The following SKAP2 variants were observed in gnomAD, a reference collection of about 807,000 sequenced individuals.
The protein encoded by SKAP2 is src kinase associated phosphoprotein 2, also known as src kinase-associated phosphoprotein 2.
Under a neutral mutation model 54.9 loss-of-function variants are expected in SKAP2, and 28 were observed. The observed-to-expected ratio is 0.51, with a 90% confidence interval of 0.38 to 0.70. The LOEUF (loss-of-function observed/expected upper bound fraction) is 0.70. Ranked by LOEUF, SKAP2 falls within the 30% of genes least tolerant of loss-of-function variation. The pLI, the probability that SKAP2 is intolerant of heterozygous loss-of-function variation, is 0.00. For missense variants in SKAP2, 356 were observed against 424.1 expected, an observed-to-expected ratio of 0.84 and a Z score of 1.41; for synonymous variants, 137 against 134.3, an observed-to-expected ratio of 1.02 and a Z score of -0.14.
At chr7:26,779,861 A>T (rs1422401408) in intron 4 of SKAP2, among the ~76,000 whole-genome samples, 1 of 152,096 alleles carries the variant, frequency 6.6e-6, no homozygotes. Flanking sequence ...TGCTAAAGTC[A>T]TCATTAAAAA....
chr7:26,827,733 G>A (rs1360430384), intron 4 of SKAP2, among the ~76,000 whole-genome samples: 3 of 151,976 alleles, frequency 2.0e-5, no homozygotes, highest in Non-Finnish European at 4.4e-5. Flanking sequence ...TAAATTACTA[G>A]AAAAAAGATC....
intron 4 of SKAP2, among the ~76,000 whole-genome samples, chr7:26,768,148 G>T (rs1475161840): frequency 6.6e-6 from 1 of 152,114 alleles, no homozygotes; most frequent in Non-Finnish European, 1.5e-5. Context: ...CTCCTGTATT[G>T]GATGCATATA....
chr7:26,806,055 A>G (rs574789256), intron 4 of SKAP2, among the ~76,000 whole-genome samples: 1 of 152,142 alleles, frequency 6.6e-6, no homozygotes, highest in Admixed American at 6.5e-5. Context: ...TGTTTTGGGA[A>G]CCATGAGCCA....
At chr7:26,823,098 G>A (rs879625115) in intron 4 of SKAP2, among the ~76,000 whole-genome samples, 11 of 151,950 alleles carry the variant, frequency 7.2e-5, no homozygotes, top group African/African-American at 2.2e-4. Context: ...GAAAACAAAA[G>A]TGCTACTCCA....
chr7:26,834,215 G>A (rs1257679231), intron 4 of SKAP2, among the ~76,000 whole-genome samples: 1 of 152,216 alleles, frequency 6.6e-6, no homozygotes, highest in East Asian at 1.9e-4. Context: ...GAAATTTATA[G>A]CACTAAATCA....
rs556735223 is a variant in SKAP2 at position 26,742,953 on chromosome 7, G to A, written c.308-2989C>T. Among the ~76,000 whole-genome samples, 10 of 152,086 alleles carry A rather than the reference G, an allele frequency of 6.6e-5. No individual in the cohort carries two copies. In the South Asian group the frequency reaches 1.5e-3, roughly 22 times the overall value. ...TATCACTATACCTACAACGATTAAC[G>A]CTATTGACATTTAGGAAGATTTAGA... On this transcript the variant is annotated intron_variant, in intron 4 of 12. Coordinates refer to ENST00000345317, the MANE Select transcript of SKAP2 (RefSeq NM_003930.5).
intron 4 of SKAP2, among the ~76,000 whole-genome samples, chr7:26,829,635 G>A (rs1421289866): frequency 6.6e-6 from 1 of 152,000 alleles, no homozygotes; most frequent in Non-Finnish European, 1.5e-5. Flanking sequence ...ACATACAAAT[G>A]GCCAATAAGC....
intron 9 of SKAP2, among the ~76,000 whole-genome samples, chr7:26,693,332 C>A (rs1198384023): frequency 1.3e-4 from 10 of 79,864 alleles, no homozygotes; most frequent in South Asian, 5.3e-4. Context: ...AGCTCCATCT[C>A]AAAAAAAAAA....
intron 11 of SKAP2, among the ~76,000 whole-genome samples, chr7:26,682,061 ACT>A (rs1786515366): frequency 6.6e-6 from 1 of 152,202 alleles, no homozygotes; most frequent in African/African-American, 2.4e-5. Flanking sequence ...TCTTAATATA[ACT>A]CTGAGAAACT....
chr7:26,706,088 C>T (rs1787149488), intron 9 of SKAP2, among the ~76,000 whole-genome samples: 1 of 151,978 alleles, frequency 6.6e-6, no homozygotes, highest in Admixed American at 6.6e-5. Flanking sequence ...ATTTGGTTAC[C>T]AAAGTCCAAC....
chr7:26,758,194 TG>T (rs1398329543), intron 4 of SKAP2, among the ~76,000 whole-genome samples: 1 of 151,990 alleles, frequency 6.6e-6, no homozygotes, highest in Non-Finnish European at 1.5e-5. Context: ...TTCTAGGGAG[TG>T]TAGGGAATTT....
chr7:26,700,482 C>G (rs1231567947), intron 9 of SKAP2, among the ~76,000 whole-genome samples: 1 of 152,198 alleles, frequency 6.6e-6, no homozygotes, highest in Non-Finnish European at 1.5e-5. Context: ...ACTGCTGGGA[C>G]TCAAGCTGCA....
At chr7:26,766,966 G>A (rs1245377567) in intron 4 of SKAP2, among the ~76,000 whole-genome samples, 3 of 152,182 alleles carry the variant, frequency 2.0e-5, no homozygotes, top group Non-Finnish European at 2.9e-5. Context: ...TTGGTATCAA[G>A]ATGATGCTGG....
chr7:26,783,697 T>A (rs985238339), intron 4 of SKAP2, among the ~76,000 whole-genome samples: 12 of 152,074 alleles, frequency 7.9e-5, no homozygotes, highest in Middle Eastern at 3.4e-3. Flanking sequence ...CACAGTGACA[T>A]CATGTTGGTT....
chr7:26,812,219 T>C (rs1163448596), intron 4 of SKAP2, among the ~76,000 whole-genome samples: 1 of 152,212 alleles, frequency 6.6e-6, no homozygotes, highest in African/African-American at 2.4e-5. Context: ...AAAATGGCTA[T>C]GTCTTAGTAA....
Position 26,823,164 on chromosome 7 carries a change from G to A in SKAP2, c.307+20866C>T, listed in dbSNP as rs1167312540. 3.3e-5 allele frequency among the ~76,000 whole-genome samples: 5 copies of A among 152,034 alleles called. No homozygotes were observed. The South Asian group carries it at 8.3e-4, about 25-fold the overall frequency. ...AGCCTGGCCAGGTGTGGTGGCTCAC[G>A]CCTGTAATCCCAGCACTTTGGAAGG... On this transcript the variant is annotated intron_variant, in intron 4 of 12. Transcript: ENST00000345317.
intron 11 of SKAP2, among the ~76,000 whole-genome samples, chr7:26,676,745 C>T (rs1786357826): frequency 6.6e-6 from 1 of 152,038 alleles, no homozygotes; most frequent in Admixed American, 6.6e-5. Flanking sequence ...GACAGAAAGC[C>T]AGAGAAACAG....
At chr7:26,691,887 A>G (rs1037334113) in intron 9 of SKAP2, among the ~76,000 whole-genome samples, 2 of 152,180 alleles carry the variant, frequency 1.3e-5, no homozygotes, top group African/African-American at 4.8e-5. Flanking sequence ...AGTTACGCTC[A>G]TAGTTTGGAC....
intron 4 of SKAP2, among the ~76,000 whole-genome samples, chr7:26,833,708 C>A (rs1050149380): frequency 5.9e-5 from 9 of 151,986 alleles, no homozygotes; most frequent in African/African-American, 1.9e-4. Context: ...ACAGGAGCAC[C>A]CAGATTCATA....
Sources: allele counts gnomAD v4.1 joint callset (sites outside exome capture counted in the v4.1 genomes callset), GRCh38; gene constraint gnomAD v4.1.1; transcripts MANE v1.5; gene names NCBI Gene and HGNC (gene_info 2026-07-23, HGNC 2026-07-21).